The following USO1 variants were observed in gnomAD, a reference collection of about 807,000 sequenced individuals.
USO1 encodes USO1 vesicle transport factor.
In USO1, 57 loss-of-function variants were observed where a neutral mutation model predicts 124.5. That is an observed-to-expected ratio of 0.46 (90% CI 0.37 to 0.57). USO1 has a LOEUF of 0.57. Among genes scored for constraint, USO1 ranks in the 20% least tolerant of loss-of-function variants. USO1 has a pLI of 0.00. For synonymous variants in USO1, 369 were observed against 362.8 expected, an observed-to-expected ratio of 1.02 and a Z score of -0.19; for missense variants, 900 against 1,040.6, an observed-to-expected ratio of 0.86 and a Z score of 1.86.
At chr4:75,754,223 A>G (rs1049196064) in intron 3 of USO1, among the ~76,000 whole-genome samples, 2 of 151,620 alleles carry the variant, frequency 1.3e-5, no homozygotes, top group Admixed American at 1.3e-4. Flanking sequence ...ACCTGGGATT[A>G]CAGGCATGCG....
At position 75,770,815 on chromosome 4, in the gene USO1, A is replaced by G. The variant is rs765638572; in HGVS notation, c.397-7A>G. 1 of 1,596,384 alleles carries G rather than the reference A, an allele frequency of 6.3e-7. No individual in the cohort carries two copies. The highest frequency in any genetic ancestry group is 1.1e-5 in the South Asian group (1 of 87,038). ...GATGTTAAATATTTTGAATTCTTAC[A>G]TTGCAGGAGTTTGATTTCCATGTCC... On this transcript the variant is annotated splice_region_variant and splice_polypyrimidine_tract_variant and intron_variant, in intron 5 of 23. Transcript: ENST00000514213.
At chr4:75,807,345 TTTC>T in intron 20 of USO1, among the ~76,000 whole-genome samples, 1 of 152,078 alleles carries the variant, frequency 6.6e-6, no homozygotes, top group Admixed American at 6.6e-5. Context: ...CCCTCCTTTC[TTTC>T]TTATTATAAA....
At chr4:75,765,730 A>G (rs1403335656) in intron 4 of USO1, among the ~76,000 whole-genome samples, 1 of 151,724 alleles carries the variant, frequency 6.6e-6, no homozygotes, top group South Asian at 2.1e-4. Flanking sequence ...AAGCGTGTGT[A>G]AGTAATTAGG....
chr4:75,758,756 T>C (rs183892212), intron 4 of USO1, among the ~76,000 whole-genome samples: 34 of 152,260 alleles, frequency 2.2e-4, no homozygotes, highest in Non-Finnish European at 4.3e-4. Flanking sequence ...CTCCATGATA[T>C]CTATCCTATA....
chr4:75,795,137 A>G (rs1433359700), intron 13 of USO1, among the ~76,000 whole-genome samples: 1 of 152,170 alleles, frequency 6.6e-6, no homozygotes, highest in Non-Finnish European at 1.5e-5. Context: ...ATTATCCTTT[A>G]TCTTCTAAAA....
chr4:75,768,047 T>C (rs571189124), intron 4 of USO1, among the ~76,000 whole-genome samples: 1 of 152,280 alleles, frequency 6.6e-6, no homozygotes, highest in East Asian at 1.9e-4. Context: ...GACAGGGTCT[T>C]ACTTTGTCAC....
chr4:75,785,503 T>G (rs1043236062), intron 9 of USO1, among the ~76,000 whole-genome samples: 1 of 152,086 alleles, frequency 6.6e-6, no homozygotes, highest in Non-Finnish European at 1.5e-5. Flanking sequence ...TAGGGTAGTT[T>G]TAATTATTAG....
At chr4:75,771,227 G>A in intron 7 of USO1, 90 bp downstream of exon 7, 1 of 1,403,404 alleles carries the variant, frequency 7.1e-7, no homozygotes, top group Admixed American at 2.8e-5. Context: ...TAGGAAATTA[G>A]ATTTAGAAAG....
chr4:75,783,168 G>A (rs1390391155), intron 9 of USO1, among the ~76,000 whole-genome samples: 1 of 152,106 alleles, frequency 6.6e-6, no homozygotes, highest in Non-Finnish European at 1.5e-5. Context: ...AGGTTACATT[G>A]TTGATTTGAA....
intron 1 of USO1, among the ~76,000 whole-genome samples, chr4:75,750,474 CT>C (rs1398634817): frequency 2.6e-5 from 4 of 151,708 alleles, no homozygotes; most frequent in African/African-American, 9.7e-5. Context: ...TTACATTTTT[CT>C]TTTTTTAATT....
At chr4:75,782,537 A>G (rs968263260) in intron 8 of USO1, 143 bp from the exon 9 acceptor site, 9 of 1,117,668 alleles carry the variant, frequency 8.1e-6, no homozygotes, top group African/African-American at 6.5e-5. Context: ...GCCTGTGGCC[A>G]TCAGGTGTCA....
chr4:75,796,053 G>T (rs1239130839), intron 13 of USO1, among the ~76,000 whole-genome samples: 1 of 152,018 alleles, frequency 6.6e-6, no homozygotes, highest in Non-Finnish European at 1.5e-5. Flanking sequence ...GTTATGAATT[G>T]TATCTTTGTG....
intron 1 of USO1, among the ~76,000 whole-genome samples, chr4:75,751,787 G>T (rs969223917): frequency 7.3e-5 from 11 of 151,712 alleles, no homozygotes; most frequent in African/African-American, 1.4e-4. Context: ...AGCCGAGATC[G>T]CATTGTCGCA....
Position 75,812,147 on chromosome 4 carries a change from T to G in USO1, c.2584-13T>G. On this transcript the variant is annotated splice_polypyrimidine_tract_variant and intron_variant, in intron 22 of 23. Transcript: ENST00000514213. Reference sequence around the variant, plus strand: ...TAATTTTAGATTCCTGCCTTTCACCTTTCTTTTCCTAGAATGAAATTAAAG... The same window carrying G: ...TAATTTTAGATTCCTGCCTTTCACCGTTCTTTTCCTAGAATGAAATTAAAG... 6.3e-7 allele frequency: 1 copy of G among 1,586,596 alleles called. No individual in the cohort carries two copies. Among genetic ancestry groups the G allele is most frequent in the East Asian group, 2.3e-5 (1 of 44,120 alleles).
At chr4:75,778,777 TTAA>T (rs1468866423) in intron 8 of USO1, among the ~76,000 whole-genome samples, 1 of 151,872 alleles carries the variant, frequency 6.6e-6, no homozygotes, top group Non-Finnish European at 1.5e-5. Flanking sequence ...TGGACTTTAA[TTAA>T]TAATAGTGTA....
intron 13 of USO1, 77 bp from the exon 14 acceptor site, chr4:75,799,545 G>A: frequency 6.6e-7 from 1 of 1,515,222 alleles, no homozygotes; most frequent in Non-Finnish European, 9.0e-7. Context: ...CATGCAAATG[G>A]AAGGGATCTT....
Position 75,774,663 on chromosome 4 carries a change from T to TA in USO1, c.556-13_556-12insA. ...TTTTGTACTCCACTAAACATTCTCTTTCTTCTCTATAGGGCGTCTTACTAC... is the reference window on the plus strand; with the variant it reads ...TTTTGTACTCCACTAAACATTCTCTTATCTTCTCTATAGGGCGTCTTACTAC... On this transcript the variant is annotated splice_polypyrimidine_tract_variant and intron_variant, in intron 7 of 23. Coordinates refer to ENST00000514213, the MANE Select transcript of USO1 (RefSeq NM_003715.4). 6.3e-7 allele frequency: 1 copy of TA among 1,589,882 alleles called. No homozygotes were observed. Among genetic ancestry groups the TA allele is most frequent in the African/African-American group, 1.4e-5 (1 of 73,824 alleles).
chr4:75,749,194 C>T (rs1400689923), intron 1 of USO1, among the ~76,000 whole-genome samples: 1 of 151,996 alleles, frequency 6.6e-6, no homozygotes, highest in Non-Finnish European at 1.5e-5. Flanking sequence ...GAGTTAATTT[C>T]GTATAACCTT....
intron 4 of USO1, among the ~76,000 whole-genome samples, chr4:75,758,970 A>T (rs1210352109): frequency 1.3e-5 from 2 of 152,170 alleles, no homozygotes; most frequent in African/African-American, 2.4e-5. Context: ...ATACATTTTT[A>T]AAAATGACAT....
Sources: allele counts gnomAD v4.1 joint callset (sites outside exome capture counted in the v4.1 genomes callset), GRCh38; gene constraint gnomAD v4.1.1; transcripts MANE v1.5; gene names NCBI Gene and HGNC (gene_info 2026-07-23, HGNC 2026-07-21).